USH2A: variants seen among roughly 807,000 people sequenced by gnomAD.
The protein encoded by USH2A is usherin.
In USH2A, 443 loss-of-function variants were observed where a neutral mutation model predicts 538.9. The observed-to-expected ratio is 0.82, with a 90% CI of 0.76 to 0.89. The LOEUF is 0.89. Ranked by LOEUF, USH2A falls within the 40% of genes least tolerant of loss-of-function variation. USH2A has a pLI of 0.00. For synonymous variants in USH2A, 2,413 were observed against 2,273.5 expected (o/e 1.06, Z -1.75); for missense variants, 6,633 against 6,324.8 (o/e 1.05, Z -1.65).
At chr1:216,065,529 G>A (rs763913071) in intron 30 of USH2A, among the ~76,000 whole-genome samples, 1 of 152,264 alleles carries the variant, frequency 6.6e-6, no homozygotes, top group Middle Eastern at 3.4e-3. Context: ...TGCATTAGAT[G>A]AGATAAACAT....
chr1:215,905,182 A>G (rs1034238492), intron 38 of USH2A, among the ~76,000 whole-genome samples: 4 of 152,098 alleles, frequency 2.6e-5, no homozygotes, highest in Admixed American at 1.3e-4. Context: ...GTTGGTGGCT[A>G]CCAAGTCTGT....
intron 46 of USH2A, among the ~76,000 whole-genome samples, chr1:215,840,859 T>C (rs937839577): frequency 6.6e-6 from 1 of 152,196 alleles, no homozygotes; most frequent in Non-Finnish European, 1.5e-5. Flanking sequence ...TATATAGCTA[T>C]ATTTCTAATT....
chr1:216,068,934 T>C (rs947894481), intron 30 of USH2A, among the ~76,000 whole-genome samples: 73 of 152,218 alleles, frequency 4.8e-4, no homozygotes, highest in Admixed American at 5.9e-4. Context: ...TTTTCTATGG[T>C]GTCTAATATA....
At chr1:215,878,267 G>T (rs529234695) in intron 42 of USH2A, among the ~76,000 whole-genome samples, 1 of 152,184 alleles carries the variant, frequency 6.6e-6, no homozygotes, top group East Asian at 1.9e-4. Context: ...TATCAACTTT[G>T]TATTCTTGGC....
chr1:215,746,992 T>C (rs894342733), intron 58 of USH2A, among the ~76,000 whole-genome samples: 1 of 152,174 alleles, frequency 6.6e-6, no homozygotes, highest in African/African-American at 2.4e-5. Context: ...TAGAGAATTG[T>C]ATGTATGGTG....
intron 4 of USH2A, among the ~76,000 whole-genome samples, chr1:216,360,544 A>C (rs1376536631): frequency 6.6e-6 from 1 of 152,046 alleles, no homozygotes; most frequent in African/African-American, 2.4e-5. Flanking sequence ...GGTGATAATG[A>C]TGTGTCAATG....
intron 35 of USH2A, among the ~76,000 whole-genome samples, chr1:215,979,014 G>A (rs1158024313): frequency 6.6e-6 from 1 of 152,108 alleles, no homozygotes; most frequent in Non-Finnish European, 1.5e-5. Flanking sequence ...ACATACCTGA[G>A]ACTGGGTAAT....
At chr1:215,648,479 C>A in intron 66 of USH2A, 49 bp downstream of exon 66, 1 of 1,581,612 alleles carries the variant, frequency 6.3e-7, no homozygotes, top group South Asian at 1.1e-5. Flanking sequence ...GTTCATATGT[C>A]TGTACACATG....
intron 64 of USH2A, among the ~76,000 whole-genome samples, chr1:215,667,383 C>T (rs1657641023): frequency 6.6e-6 from 1 of 152,102 alleles, no homozygotes; most frequent in African/African-American, 2.4e-5. Context: ...TGAGTAGCTC[C>T]TCCCTCTCTA....
chr1:216,301,296 C>T (rs1272163144), intron 9 of USH2A, among the ~76,000 whole-genome samples: 1 of 152,116 alleles, frequency 6.6e-6, no homozygotes, highest in African/African-American at 2.4e-5. Flanking sequence ...CTTCAAGGTC[C>T]TGAGAGCTCC....
chr1:216,160,166 C>A (rs1354387376), intron 21 of USH2A, among the ~76,000 whole-genome samples: 2 of 151,540 alleles, frequency 1.3e-5, no homozygotes, highest in Admixed American at 6.6e-5. Context: ...TTTATAATTT[C>A]TTTTATTCAA....
chr1:216,040,077 ACACACACG>A (rs1198994682), intron 32 of USH2A, among the ~76,000 whole-genome samples: 1 of 134,034 alleles, frequency 7.5e-6, no homozygotes, highest in Non-Finnish European at 1.7e-5. Flanking sequence ...ACACACACAC[ACACACACG>A]CATGCACACA....
At chr1:215,809,549 T>C (rs1205144861) in intron 49 of USH2A, among the ~76,000 whole-genome samples, 1 of 152,088 alleles carries the variant, frequency 6.6e-6, no homozygotes, top group African/African-American at 2.4e-5. Flanking sequence ...CAAGGATCAG[T>C]CACCTTCTCA....
intron 37 of USH2A, among the ~76,000 whole-genome samples, chr1:215,956,190 C>T (rs1474154304): frequency 6.6e-6 from 1 of 152,102 alleles, no homozygotes; most frequent in Non-Finnish European, 1.5e-5. Flanking sequence ...ATTCAACAAG[C>T]ACTGAACTCT....
chr1:216,266,651 C>T (rs1320995140), intron 11 of USH2A, among the ~76,000 whole-genome samples: 2 of 152,038 alleles, frequency 1.3e-5, no homozygotes, highest in Non-Finnish European at 2.9e-5. Flanking sequence ...ATATGAAAAG[C>T]TCTAGGCTGA....
intron 20 of USH2A, among the ~76,000 whole-genome samples, chr1:216,186,870 A>G (rs1254405444): frequency 6.6e-6 from 1 of 151,818 alleles, no homozygotes; most frequent in African/African-American, 2.4e-5. Context: ...TCTTCCTTGA[A>G]GTCACTCCAT....
intron 32 of USH2A, among the ~76,000 whole-genome samples, chr1:216,021,609 T>C (rs1668846706): frequency 6.6e-6 from 1 of 152,190 alleles, no homozygotes; most frequent in East Asian, 1.9e-4. Context: ...CCTGGATATC[T>C]AGCCTGCTAA....
intron 60 of USH2A, among the ~76,000 whole-genome samples, chr1:215,729,600 A>G (rs1451122428): frequency 6.6e-6 from 1 of 152,050 alleles, no homozygotes; most frequent in Non-Finnish European, 1.5e-5. Context: ...ATGATAAGTA[A>G]TATAATAGGA....
intron 11 of USH2A, 100 bp downstream of exon 11, chr1:216,289,180 C>G (rs1198097726): frequency 1.3e-6 from 2 of 1,557,772 alleles, no homozygotes; most frequent in African/African-American, 1.4e-5. Context: ...TAGAGGATTT[C>G]CTGGCAAATG....
Sources: allele counts gnomAD v4.1 joint callset (sites outside exome capture counted in the v4.1 genomes callset), GRCh38; gene constraint gnomAD v4.1.1; transcripts MANE v1.5; gene names NCBI Gene and HGNC (gene_info 2026-07-23, HGNC 2026-07-21).